Variants in EPB41L5 observed in about 807,000 individuals in gnomAD.
The protein encoded by EPB41L5 is erythrocyte membrane protein band 4.1 like 5.
Under a neutral mutation model 106.6 loss-of-function variants are expected in EPB41L5, and 55 were observed. The ratio of observed to expected loss-of-function variants is 0.52; its 90% confidence interval spans 0.42 to 0.65. The LOEUF is 0.65. Ranked by LOEUF, EPB41L5 falls within the 30% of genes least tolerant of loss-of-function variation. The pLI is 0.00. For synonymous variants in EPB41L5, 297 were observed against 306.7 expected (o/e 0.97, Z 0.33); for missense variants, 871 against 882.1 (o/e 0.99, Z 0.16).
At chr2:120,168,062 AT>A in intron 24 of EPB41L5, 55 bp downstream of exon 24, 3 of 1,585,566 alleles carry the variant, frequency 1.9e-6, no homozygotes, top group Non-Finnish European at 2.6e-6. Flanking sequence ...GAAGAAAAAA[AT>A]AATAAAACTT....
At chr2:120,065,620 G>A (rs906095755) in intron 3 of EPB41L5, among the ~76,000 whole-genome samples, 2 of 150,678 alleles carry the variant, frequency 1.3e-5, no homozygotes, top group Non-Finnish European at 2.9e-5. Flanking sequence ...GGGTTCAAGC[G>A]ACTCTCATGC....
intron 3 of EPB41L5, among the ~76,000 whole-genome samples, chr2:120,047,839 A>T (rs1679914541): frequency 6.6e-6 from 1 of 152,220 alleles, no homozygotes; most frequent in South Asian, 2.1e-4. Context: ...ACTTTCATCA[A>T]TACCTAGTTT....
intron 20 of EPB41L5, among the ~76,000 whole-genome samples, chr2:120,157,879 G>C (rs936070814): frequency 1.3e-5 from 2 of 151,316 alleles, no homozygotes; most frequent in Non-Finnish European, 2.9e-5. Flanking sequence ...AAAAGAGAGA[G>C]GATCTAAATA....
At chr2:120,118,573 T>G (rs781360945) in intron 16 of EPB41L5, among the ~76,000 whole-genome samples, 2 of 152,124 alleles carry the variant, frequency 1.3e-5, no homozygotes, top group Non-Finnish European at 2.9e-5. Context: ...TGTGTTTGCA[T>G]CATTCAGCTC....
intron 3 of EPB41L5, among the ~76,000 whole-genome samples, chr2:120,067,194 T>C (rs1485260338): frequency 6.6e-6 from 1 of 152,212 alleles, no homozygotes; most frequent in East Asian, 1.9e-4. Flanking sequence ...ATTTAAAAAA[T>C]ATTTGCTGAA....
At chr2:120,145,941 A>G (rs56388354) in intron 19 of EPB41L5, among the ~76,000 whole-genome samples, 1,155 of 35,810 alleles carry the variant, frequency 0.032, 12 homozygotes, top group African/African-American at 0.13. Context: ...GTGAGACTCA[A>G]TCTCAAAAAA....
At chr2:120,129,158 C>T in intron 17 of EPB41L5, among the ~76,000 whole-genome samples, 1 of 152,058 alleles carries the variant, frequency 6.6e-6, no homozygotes, top group East Asian at 1.9e-4. Context: ...CAAACCTGCA[C>T]ATGTGCTCCC....
chr2:120,161,956 G>A (rs1687156239), intron 21 of EPB41L5, among the ~76,000 whole-genome samples: 1 of 152,150 alleles, frequency 6.6e-6, no homozygotes, highest in South Asian at 2.1e-4. Context: ...ACTGGTCCTT[G>A]GTGCCAAAAA....
intron 2 of EPB41L5, among the ~76,000 whole-genome samples, chr2:120,023,374 G>T (rs1339533820): frequency 6.6e-6 from 1 of 152,122 alleles, no homozygotes; most frequent in Non-Finnish European, 1.5e-5. Flanking sequence ...TGTTAAGGAA[G>T]GGGTCCAGTT....
intron 2 of EPB41L5, among the ~76,000 whole-genome samples, chr2:120,034,417 A>G (rs1284245875): frequency 6.6e-6 from 1 of 152,228 alleles, no homozygotes; most frequent in Non-Finnish European, 1.5e-5. Context: ...TATGCCTTAG[A>G]ATGAAAGTAA....
intron 2 of EPB41L5, among the ~76,000 whole-genome samples, chr2:120,033,623 C>T (rs1392763071): frequency 2.0e-5 from 3 of 148,082 alleles, no homozygotes; most frequent in African/African-American, 7.5e-5. Context: ...AAGATAATTG[C>T]TTGAACCTGG....
At chr2:120,168,347 G>A (rs1411233580) in intron 24 of EPB41L5, among the ~76,000 whole-genome samples, 2 of 152,174 alleles carry the variant, frequency 1.3e-5, no homozygotes, top group Non-Finnish European at 2.9e-5. Context: ...GAATGATGGT[G>A]CCCGTCAACA....
At chr2:120,152,156 T>TATACA (rs1249615615) in intron 20 of EPB41L5, among the ~76,000 whole-genome samples, 1 of 152,226 alleles carries the variant, frequency 6.6e-6, no homozygotes, top group Non-Finnish European at 1.5e-5. Context: ...GTTGTGTGTA[T>TATACA]GTTTTTCATA....
intron 16 of EPB41L5, chr2:120,105,998 T>C (rs1230846566): frequency 1.0e-5 from 10 of 985,280 alleles, no homozygotes; most frequent in Non-Finnish European, 1.2e-5. Flanking sequence ...AAAATTATTC[T>C]TAATCTGCAG....
chr2:120,048,234 G>A (rs770690626), intron 3 of EPB41L5, among the ~76,000 whole-genome samples: 5 of 152,158 alleles, frequency 3.3e-5, no homozygotes, highest in Non-Finnish European at 5.9e-5. Flanking sequence ...AGAGAGAATG[G>A]TACCAGCTCC....
At chr2:120,138,261 C>G (rs1686014840) in intron 18 of EPB41L5, among the ~76,000 whole-genome samples, 1 of 151,606 alleles carries the variant, frequency 6.6e-6, no homozygotes, top group Non-Finnish European at 1.5e-5. Flanking sequence ...AGTATCATGC[C>G]TGAAAGCCTC....
chr2:120,103,915 A>G (rs1684293743), intron 16 of EPB41L5: 2 of 863,734 alleles, frequency 2.3e-6, no homozygotes, highest in Non-Finnish European at 3.1e-6. Context: ...GAATGTTATC[A>G]TTGCATGGAG....
At chr2:120,149,543 A>G (rs1419017738) in intron 20 of EPB41L5, among the ~76,000 whole-genome samples, 1 of 152,162 alleles carries the variant, frequency 6.6e-6, no homozygotes, top group African/African-American at 2.4e-5. Context: ...GGTCATCCAT[A>G]CTGTACTATT....
chr2:120,160,235 G>T (rs1687085519), intron 20 of EPB41L5, among the ~76,000 whole-genome samples: 1 of 152,044 alleles, frequency 6.6e-6, no homozygotes, highest in Admixed American at 6.6e-5. Context: ...ATACTTTTCG[G>T]CTTCAAAGTT....
Sources: gnomAD v4.1 joint callset for allele counts (sites outside exome capture counted in the v4.1 genomes callset) on GRCh38, gnomAD v4.1.1 for gene constraint, MANE v1.5 for transcripts, NCBI Gene and HGNC (gene_info 2026-07-23, HGNC 2026-07-21) for gene names.